The following AGBL1 variants were observed in gnomAD, a reference collection of about 807,000 sequenced individuals.
AGBL1 encodes the protein AGBL carboxypeptidase 1, also known as cytosolic carboxypeptidase 4.
Under a neutral mutation model 118.9 loss-of-function variants are expected in AGBL1, and 130 were observed. The ratio of observed to expected loss-of-function variants is 1.09; its 90% CI spans 0.95 to 1.26. The LOEUF (loss-of-function observed/expected upper bound fraction) is 1.26. Ranked by LOEUF, AGBL1 falls within the 50% of genes most tolerant of loss-of-function variation. AGBL1 has a pLI of 0.00. For synonymous variants in AGBL1, 555 were observed against 478.9 expected (o/e 1.16, Z -2.08); for missense variants, 1,584 against 1,298.1 (o/e 1.22, Z -3.38).
Position 86,257,945 on chromosome 15 carries a change from C to T in AGBL1, c.902-19C>T. The T allele has an allele frequency of 1.2e-6, 2 of 1,611,226 alleles. No individual in the cohort carries two copies. Among genetic ancestry groups the T allele is most frequent in the East Asian group, 4.5e-5 (2 of 44,836 alleles). Reference sequence around the variant, plus strand: ...CAAAGGGGAAACTTCACTTATTTCACCTCTTTTTCCCCATCCAGAGGATTT... The same window carrying T: ...CAAAGGGGAAACTTCACTTATTTCATCTCTTTTTCCCCATCCAGAGGATTT... On this transcript the variant is annotated intron_variant, in intron 8 of 22. Transcript: ENST00000614907.
Position 86,266,453 on chromosome 15 carries a change from C to A in AGBL1, c.1747C>A (p.Pro583Thr). 1 of 1,561,722 alleles carries A rather than the reference C, an allele frequency of 6.4e-7. No homozygotes were observed. Among genetic ancestry groups the A allele is most frequent in the Non-Finnish European group, 8.7e-7 (1 of 1,150,338 alleles). Reference protein sequence around the residue: ...INKVVFSLDEPWPLQDNASNC... With the variant: ...INKVVFSLDETWPLQDNASNC... ...TAAAGTTGTCTTCAGTTTAGATGAG[C>A]CTTGGTAGGTAGTCTCGTGCATCTG... The change falls in exon 12 of 23, where the codon CCT becomes ACT. Residue 583 changes from proline (P) to threonine (T), a missense_variant. Coordinates refer to ENST00000614907, the MANE Select transcript of AGBL1 (RefSeq NM_001386094.1).
Position 86,490,535 on chromosome 15 carries a change from T to A in AGBL1, c.2556-32275T>A, listed in dbSNP as rs927315405. ...GCTTATTTACTTTGATAAGTTGAGA[T>A]TATTTTTTTTTACAGGCAGTTACTT... is the stretch of plus-strand genomic sequence containing the variant. On this transcript the variant is annotated intron_variant, in intron 18 of 22. Coordinates refer to ENST00000614907, the MANE Select transcript of AGBL1 (RefSeq NM_001386094.1). Among the ~76,000 whole-genome samples the A allele has an allele frequency of 8.5e-5, 13 of 152,052 alleles. 1 individual carries two copies. The highest frequency in any genetic ancestry group is 6.6e-4 in the Admixed American group (10 of 15,258).
At chr15:86,837,201 G>A (rs2079181389) in intron 22 of AGBL1, among the ~76,000 whole-genome samples, 1 of 147,650 alleles carries the variant, frequency 6.8e-6, no homozygotes, top group Non-Finnish European at 1.5e-5. Context: ...ATTACAGGCT[G>A]TTCCAGAAGA....
At chr15:86,879,116 A>T (rs1025119187) in intron 22 of AGBL1, among the ~76,000 whole-genome samples, 7 of 152,226 alleles carry the variant, frequency 4.6e-5, no homozygotes, top group African/African-American at 1.7e-4. Flanking sequence ...ACCCAAGAGG[A>T]TGTCTGGCAG....
chr15:86,827,471 A>G (rs565209055), intron 22 of AGBL1, among the ~76,000 whole-genome samples: 110 of 10,886 alleles, frequency 0.01, 9 homozygotes, highest in African/African-American at 0.046. Flanking sequence ...ATATATATAC[A>G]TATATATATA....
chr15:86,189,872 A>G (rs949463764), intron 5 of AGBL1, among the ~76,000 whole-genome samples: 2 of 152,190 alleles, frequency 1.3e-5, no homozygotes, highest in African/African-American at 2.4e-5. Flanking sequence ...CATGTATATC[A>G]CCTTGACATT....
intron 22 of AGBL1, among the ~76,000 whole-genome samples, chr15:86,837,043 G>C (rs2079179341): frequency 6.6e-6 from 1 of 152,072 alleles, no homozygotes; most frequent in Non-Finnish European, 1.5e-5. Context: ...AAAAGGGCTT[G>C]GAAGACAGCC....
chr15:86,868,844 A>G (rs1286829032), intron 22 of AGBL1, among the ~76,000 whole-genome samples: 1 of 152,252 alleles, frequency 6.6e-6, no homozygotes, highest in Non-Finnish European at 1.5e-5. Flanking sequence ...TTGAAAAAAT[A>G]AAAAGCAATC....
intron 24 of AGBL1, among the ~76,000 whole-genome samples, chr15:87,018,431 C>A (rs2081629266): frequency 6.6e-6 from 1 of 152,088 alleles, no homozygotes; most frequent in African/African-American, 2.4e-5. Flanking sequence ...AGAAATCCTA[C>A]AAGCCAGAAG....
At chr15:86,473,055 C>T (rs1488697765) in intron 18 of AGBL1, among the ~76,000 whole-genome samples, 3 of 152,078 alleles carry the variant, frequency 2.0e-5, no homozygotes, top group African/African-American at 7.2e-5. Context: ...ATTACTTTAA[C>T]ATTAGATTAA....
intron 22 of AGBL1, among the ~76,000 whole-genome samples, chr15:86,850,077 A>G (rs2141456284): frequency 6.6e-6 from 1 of 152,280 alleles, no homozygotes; most frequent in East Asian, 1.9e-4. Context: ...TGTGTTGCTC[A>G]ATCTCCCTCA....
chr15:86,178,035 TGG>T (rs2077504417), intron 5 of AGBL1, among the ~76,000 whole-genome samples: 1 of 152,224 alleles, frequency 6.6e-6, no homozygotes, highest in African/African-American at 2.4e-5. Flanking sequence ...CATTCCAGGC[TGG>T]GCATGGTGGT....
chr15:86,754,473 G>C (rs952260945), intron 22 of AGBL1, among the ~76,000 whole-genome samples: 1 of 152,084 alleles, frequency 6.6e-6, no homozygotes, highest in African/African-American at 2.4e-5. Flanking sequence ...TTTAAGGATT[G>C]AGAGTTGTGC....
chr15:86,315,293 G>T (rs2079985081), intron 17 of AGBL1, among the ~76,000 whole-genome samples: 1 of 152,158 alleles, frequency 6.6e-6, no homozygotes. Context: ...TCACATTTGG[G>T]CTTTCTCTCA....
At chr15:86,242,923 G>A (rs1211824917) in intron 6 of AGBL1, among the ~76,000 whole-genome samples, 1 of 152,156 alleles carries the variant, frequency 6.6e-6, no homozygotes, top group East Asian at 1.9e-4. Flanking sequence ...AGGTTTCTAG[G>A]CTTTCCTGTT....
intron 5 of AGBL1, among the ~76,000 whole-genome samples, chr15:86,168,876 T>C (rs566893073): frequency 2.0e-5 from 3 of 152,242 alleles, no homozygotes; most frequent in Non-Finnish European, 4.4e-5. Context: ...GTTGAATATT[T>C]TTAAGAGTTT....
intron 21 of AGBL1, among the ~76,000 whole-genome samples, chr15:86,562,786 G>A (rs2083846582): frequency 6.6e-6 from 1 of 152,068 alleles, no homozygotes; most frequent in Admixed American, 6.5e-5. Flanking sequence ...ACTTTTTTTG[G>A]TGGATAGGCT....
At chr15:86,677,951 A>T (rs1167728379) in intron 22 of AGBL1, among the ~76,000 whole-genome samples, 1 of 152,208 alleles carries the variant, frequency 6.6e-6, no homozygotes, top group African/African-American at 2.4e-5. Flanking sequence ...TGTCAGCATT[A>T]TGGCGAAATA....
intron 5 of AGBL1, among the ~76,000 whole-genome samples, chr15:86,175,385 T>C (rs1324799768): frequency 1.3e-5 from 2 of 152,162 alleles, no homozygotes; most frequent in African/African-American, 4.8e-5. Context: ...TCTGACTTTA[T>C]TTATTTGGGT....
Sources: allele counts gnomAD v4.1 joint callset (sites outside exome capture counted in the v4.1 genomes callset), GRCh38; gene constraint gnomAD v4.1.1; transcripts MANE v1.5; gene names NCBI Gene and HGNC (gene_info 2026-07-23, HGNC 2026-07-21).